The following HOMER1 variants were observed in gnomAD, a reference collection of about 807,000 sequenced individuals.
HOMER1 encodes homer protein homolog 1.
A neutral mutation model predicts 48.9 loss-of-function variants in HOMER1; 3 were observed. The observed-to-expected ratio is 0.06, with a 90% CI of 0.03 to 0.16. HOMER1 has a LOEUF of 0.16. Ranked by LOEUF, HOMER1 falls within the 10% of genes least tolerant of loss-of-function variation. The pLI is 1.00. For missense variants in HOMER1, 247 were observed against 411.4 expected, an observed-to-expected ratio of 0.60 and a Z score of 3.46; for synonymous variants, 134 against 146.4, an observed-to-expected ratio of 0.92 and a Z score of 0.61.
At chr5:79,377,421 C>T (rs772461453) in intron 8 of HOMER1, among the ~76,000 whole-genome samples, 7 of 152,090 alleles carry the variant, frequency 4.6e-5, no homozygotes, top group Non-Finnish European at 7.4e-5. Flanking sequence ...TTTAAATAAG[C>T]AATTCAGATA....
chr5:79,503,927 A>T (rs1359742348), intron 1 of HOMER1, among the ~76,000 whole-genome samples: 2 of 152,216 alleles, frequency 1.3e-5, no homozygotes, highest in Non-Finnish European at 2.9e-5. Flanking sequence ...GAACCTACAC[A>T]GTTCAAACCT....
intron 5 of HOMER1, among the ~76,000 whole-genome samples, chr5:79,415,764 G>T (rs1030192036): frequency 6.6e-6 from 1 of 152,124 alleles, no homozygotes; most frequent in Non-Finnish European, 1.5e-5. Flanking sequence ...ATATTTCTGA[G>T]TTTCGAAGAA....
At chr5:79,455,114 T>C (rs556824064) in intron 2 of HOMER1, among the ~76,000 whole-genome samples, 85 of 151,994 alleles carry the variant, frequency 5.6e-4, no homozygotes, top group African/African-American at 1.9e-3. Flanking sequence ...TAATTTTTTT[T>C]TTTTTTGAGA....
chr5:79,477,554 C>T (rs960251711), intron 1 of HOMER1, among the ~76,000 whole-genome samples: 2 of 152,208 alleles, frequency 1.3e-5, no homozygotes, highest in African/African-American at 4.8e-5. Context: ...TGCTACAAAA[C>T]AATCTGTTCA....
intron 5 of HOMER1, among the ~76,000 whole-genome samples, chr5:79,407,835 T>C (rs962157494): frequency 6.6e-6 from 1 of 152,166 alleles, no homozygotes; most frequent in Non-Finnish European, 1.5e-5. Flanking sequence ...GAACATATTA[T>C]ACATAGAGGA....
chr5:79,380,540 G>A (rs1352128261), intron 8 of HOMER1, among the ~76,000 whole-genome samples: 1 of 152,204 alleles, frequency 6.6e-6, no homozygotes, highest in Non-Finnish European at 1.5e-5. Context: ...CATCAGCCAA[G>A]GCTGCCACCA....
rs140189642 is a variant in HOMER1, at chr5:79,500,963, G to GACACAC, written c.5+11801_5+11806dup. 2.5e-3 allele frequency among the ~76,000 whole-genome samples: 251 copies of GACACAC among 101,676 alleles called. 2 individuals carry two copies. The highest frequency in any genetic ancestry group is 7.6e-3 in the African/African-American group (227 of 29,882). The allele number at this position is 101,676 out of a possible 152,430, so 66.7% of individuals were successfully genotyped here. On this transcript the variant is annotated intron_variant, in intron 1 of 8. Coordinates refer to ENST00000334082, the MANE Select transcript of HOMER1 (RefSeq NM_004272.5). ...TGTGTGTGTGTGTGTGAGACAGACA[G>GACACAC]ACACACACACACACACACACACACA...
chr5:79,460,016 CT>C, intron 1 of HOMER1, among the ~76,000 whole-genome samples: 1 of 82,358 alleles, frequency 1.2e-5, no homozygotes, highest in Admixed American at 1.2e-4. Flanking sequence ...TTGCTTTTTT[CT>C]TTCTTTCTTT....
At chr5:79,384,242 A>T (rs530094513) in intron 8 of HOMER1, among the ~76,000 whole-genome samples, 4 of 152,144 alleles carry the variant, frequency 2.6e-5, no homozygotes, top group Admixed American at 1.3e-4. Flanking sequence ...CTTTGAAAAG[A>T]TAAACAAAAT....
intron 1 of HOMER1, among the ~76,000 whole-genome samples, chr5:79,485,633 TA>T (rs1752078376): frequency 6.6e-6 from 1 of 152,176 alleles, no homozygotes; most frequent in South Asian, 2.1e-4. Flanking sequence ...CCATGGACTT[TA>T]AAAAATTACA....
rs112140616 is a variant in HOMER1, at chr5:79,391,312, T to C, written c.876+5511A>G. On this transcript the variant is annotated intron_variant, in intron 8 of 8. Transcript: ENST00000334082. ...GCCACCGCATCCGGCTAATTTTTTG[T>C]AGAGACAAGGTCTCACCATGTTGTC... Among the ~76,000 whole-genome samples the C allele has an allele frequency of 9.9e-5, 15 of 151,894 alleles. 1 individual carries two copies. The highest frequency in any genetic ancestry group is 3.6e-4 in the African/African-American group (15 of 41,484).
At chr5:79,469,503 G>A (rs1751562757) in intron 1 of HOMER1, among the ~76,000 whole-genome samples, 1 of 151,972 alleles carries the variant, frequency 6.6e-6, no homozygotes, top group Admixed American at 6.6e-5. Flanking sequence ...CATGGTCCTC[G>A]AGTCATCTAG....
intron 1 of HOMER1, among the ~76,000 whole-genome samples, chr5:79,503,842 T>TGAGGAGGAA (rs1421317528): frequency 6.6e-6 from 1 of 152,066 alleles, no homozygotes; most frequent in Non-Finnish European, 1.5e-5. Context: ...TTGAGCAGGC[T>TGAGGAGGAA]GAGGAGGAAG....
At chr5:79,495,344 T>C (rs1206374086) in intron 1 of HOMER1, among the ~76,000 whole-genome samples, 1 of 152,148 alleles carries the variant, frequency 6.6e-6, no homozygotes, top group Non-Finnish European at 1.5e-5. Context: ...CAACCACTCA[T>C]ACATCTTCCC....
At chr5:79,477,141 T>A (rs907358928) in intron 1 of HOMER1, among the ~76,000 whole-genome samples, 2 of 152,192 alleles carry the variant, frequency 1.3e-5, no homozygotes, top group Non-Finnish European at 2.9e-5. Context: ...ATGAAAATTA[T>A]GAGCCAGGAA....
At chr5:79,407,959 G>C (rs1431473098) in intron 5 of HOMER1, among the ~76,000 whole-genome samples, 1 of 152,198 alleles carries the variant, frequency 6.6e-6, no homozygotes, top group East Asian at 1.9e-4. Context: ...TATTTTGAGA[G>C]AGGGAGAGAC....
intron 5 of HOMER1, among the ~76,000 whole-genome samples, chr5:79,408,774 T>C (rs1749736415): frequency 6.6e-6 from 1 of 151,526 alleles, no homozygotes; most frequent in African/African-American, 2.4e-5. Flanking sequence ...AAAACTTCTC[T>C]TTGAACAACA....
At chr5:79,379,464 TA>T (rs1748906445) in intron 8 of HOMER1, among the ~76,000 whole-genome samples, 2 of 114,848 alleles carry the variant, frequency 1.7e-5, no homozygotes, top group African/African-American at 6.5e-5. Context: ...ATATAATATA[TA>T]TTTTATATAT....
intron 4 of HOMER1, among the ~76,000 whole-genome samples, chr5:79,444,647 T>C (rs899170663): frequency 2.6e-5 from 4 of 152,164 alleles, no homozygotes; most frequent in African/African-American, 9.6e-5. Flanking sequence ...TCAACTAAAA[T>C]GGAAGTTACG....
Sources: gnomAD v4.1 joint callset for allele counts (sites outside exome capture counted in the v4.1 genomes callset) on GRCh38, gnomAD v4.1.1 for gene constraint, MANE v1.5 for transcripts, NCBI Gene and HGNC (gene_info 2026-07-23, HGNC 2026-07-21) for gene names.